CSMD1: variants seen among roughly 807,000 people sequenced by gnomAD.
CSMD1 encodes the protein CUB and sushi domain-containing protein 1.
Under a neutral mutation model 417.5 loss-of-function variants are expected in CSMD1, and 213 were observed. That is an observed-to-expected ratio of 0.51 (90% CI 0.46 to 0.57). CSMD1 has a LOEUF of 0.57. Ranked by LOEUF, CSMD1 falls within the 20% of genes least tolerant of loss-of-function variation. The pLI is 0.00. For synonymous variants in CSMD1, 2,862 were observed against 1,736.8 expected (o/e 1.65, Z -16.11); for missense variants, 6,923 against 4,529.7 (o/e 1.53, Z -15.17).
intron 1 of CSMD1, among the ~76,000 whole-genome samples, chr8:4,859,554 A>T (rs1457907009): frequency 6.6e-6 from 1 of 152,172 alleles, no homozygotes; most frequent in Non-Finnish European, 1.5e-5. Context: ...AACTCAAACA[A>T]ATTTACAAGA....
At chr8:3,748,300 A>G (rs116908354) in intron 6 of CSMD1, among the ~76,000 whole-genome samples, 2,394 of 152,276 alleles carry the variant, frequency 0.016, 38 homozygotes, top group South Asian at 0.037. Flanking sequence ...TAAAGGTTAT[A>G]ATATATTTCA....
chr8:3,055,335 T>C (rs535088521), intron 49 of CSMD1, among the ~76,000 whole-genome samples: 2 of 152,320 alleles, frequency 1.3e-5, no homozygotes, highest in South Asian at 2.1e-4. Context: ...AATCTTTTTA[T>C]GGTTTTGAAC....
At chr8:3,545,749 C>A (rs1798631248) in intron 10 of CSMD1, among the ~76,000 whole-genome samples, 1 of 152,200 alleles carries the variant, frequency 6.6e-6, no homozygotes. Flanking sequence ...TAAAGGGCTA[C>A]TGGAATCTCA....
chr8:4,075,377 T>C (rs1486330613), intron 3 of CSMD1, among the ~76,000 whole-genome samples: 1 of 152,174 alleles, frequency 6.6e-6, no homozygotes, highest in Non-Finnish European at 1.5e-5. Context: ...TTTTTGATGC[T>C]AAAGAACAGA....
chr8:4,281,403 T>C (rs1272492657), intron 3 of CSMD1, among the ~76,000 whole-genome samples: 1 of 152,180 alleles, frequency 6.6e-6, no homozygotes, highest in Non-Finnish European at 1.5e-5. Context: ...AAAAACAGCT[T>C]TAAATTATCA....
chr8:3,611,467 G>A (rs1048900144), intron 8 of CSMD1, among the ~76,000 whole-genome samples: 11 of 152,064 alleles, frequency 7.2e-5, no homozygotes, highest in South Asian at 2.1e-4. Flanking sequence ...AACTATCACT[G>A]CTAAGATTGG....
chr8:3,071,816 T>C (rs1040914158), intron 49 of CSMD1, among the ~76,000 whole-genome samples: 1 of 152,192 alleles, frequency 6.6e-6, no homozygotes, highest in East Asian at 1.9e-4. Flanking sequence ...TCATTTCATA[T>C]ATTTATAATT....
At chr8:4,715,691 G>C (rs1310101525) in intron 1 of CSMD1, among the ~76,000 whole-genome samples, 1 of 152,020 alleles carries the variant, frequency 6.6e-6, no homozygotes, top group Non-Finnish European at 1.5e-5. Flanking sequence ...TTCCCTTCTA[G>C]GCGTTCAACT....
At chr8:3,618,502 G>T (rs986500721) in intron 7 of CSMD1, among the ~76,000 whole-genome samples, 1 of 150,550 alleles carries the variant, frequency 6.6e-6, no homozygotes, top group African/African-American at 2.5e-5. Context: ...ACATTATTTT[G>T]CTGCATGATG....
chr8:4,905,284 G>C (rs1805168355), intron 1 of CSMD1, among the ~76,000 whole-genome samples: 2 of 152,182 alleles, frequency 1.3e-5, no homozygotes, highest in East Asian at 1.9e-4. Context: ...CTGAAGTTTA[G>C]GGTGCCCAGA....
intron 4 of CSMD1, among the ~76,000 whole-genome samples, chr8:3,999,043 A>G (rs1194520921): frequency 6.7e-6 from 1 of 149,970 alleles, no homozygotes; most frequent in African/African-American, 2.4e-5. Flanking sequence ...TATACTATAT[A>G]TAGCTATGTT....
At chr8:4,635,948 GA>G (rs1053229760) in intron 2 of CSMD1, among the ~76,000 whole-genome samples, 2 of 151,234 alleles carry the variant, frequency 1.3e-5, no homozygotes, top group African/African-American at 2.4e-5. Context: ...AGATGACTCA[GA>G]AAAAAAACTA....
At chr8:3,542,323 C>G (rs1185073727) in intron 10 of CSMD1, among the ~76,000 whole-genome samples, 1 of 151,914 alleles carries the variant, frequency 6.6e-6, no homozygotes, top group Non-Finnish European at 1.5e-5. Flanking sequence ...TTCAATCATT[C>G]AGATGGTTCA....
At chr8:4,082,963 A>G (rs1048133120) in intron 3 of CSMD1, among the ~76,000 whole-genome samples, 1 of 151,946 alleles carries the variant, frequency 6.6e-6, no homozygotes, top group African/African-American at 2.4e-5. Context: ...TTTATGGCTG[A>G]ATAGGACTCC....
intron 1 of CSMD1, among the ~76,000 whole-genome samples, chr8:4,925,613 C>T (rs909763319): frequency 1.3e-5 from 2 of 150,636 alleles, no homozygotes; most frequent in Non-Finnish European, 2.9e-5. Flanking sequence ...GTGGTGCAGT[C>T]TCGGCTCACT....
chr8:4,773,661 T>C (rs1168443094), intron 1 of CSMD1, among the ~76,000 whole-genome samples: 1 of 152,204 alleles, frequency 6.6e-6, no homozygotes, highest in Non-Finnish European at 1.5e-5. Flanking sequence ...GCAATGTGTT[T>C]GTGCAGCCTT....
intron 6 of CSMD1, among the ~76,000 whole-genome samples, chr8:3,710,891 G>C (rs911174986): frequency 1.3e-5 from 2 of 152,110 alleles, no homozygotes; most frequent in Non-Finnish European, 2.9e-5. Context: ...TGGCTGGGGA[G>C]CATGGAGACA....
chr8:3,166,106 A>T (rs971492309), intron 37 of CSMD1, among the ~76,000 whole-genome samples: 7 of 152,202 alleles, frequency 4.6e-5, no homozygotes, highest in African/African-American at 1.7e-4. Flanking sequence ...GGTAATAAAT[A>T]TGAACTGTGT....
chr8:4,084,167 AAG>A (rs552327187), intron 3 of CSMD1, among the ~76,000 whole-genome samples: 53 of 152,210 alleles, frequency 3.5e-4, no homozygotes, highest in Admixed American at 1.5e-3. Context: ...GAATAATTAA[AAG>A]AGAAAGAATT....
Sources: gnomAD v4.1 joint callset for allele counts (sites outside exome capture counted in the v4.1 genomes callset) on GRCh38, gnomAD v4.1.1 for gene constraint, MANE v1.5 for transcripts, NCBI Gene and HGNC (gene_info 2026-07-23, HGNC 2026-07-21) for gene names.